Variants in TSC22D1 observed in about 807,000 individuals in gnomAD.
The protein encoded by TSC22D1 is TSC22 domain family protein 1.
A neutral mutation model predicts 74.2 loss-of-function variants in TSC22D1; 9 were observed. That is an observed-to-expected ratio of 0.12 (90% CI 0.07 to 0.21). The LOEUF (loss-of-function observed/expected upper bound fraction) is 0.21, where lower values mean the gene tolerates loss of function less well. Among genes scored for constraint, TSC22D1 ranks in the 10% least tolerant of loss-of-function variants. The pLI is 1.00. For synonymous variants in TSC22D1, 586 were observed against 492.5 expected (o/e 1.19, Z -2.51); for missense variants, 1,427 against 1,304.7 (o/e 1.09, Z -1.44).
chr13:44,552,579 T>C (rs994389613), intron 1 of TSC22D1, among the ~76,000 whole-genome samples: 3 of 152,240 alleles, frequency 2.0e-5, no homozygotes, highest in South Asian at 2.1e-4. Flanking sequence ...AATATGTCAG[T>C]GCCGCACTTC....
chr13:44,433,794 CTG>C lies in TSC22D1; in HGVS notation c.*830_*831del, dbSNP rs1874261054. The stretch of plus-strand genomic sequence containing the variant: ...ATTTCAGATTACACAAAGTGAGTAA[CTG>C]TGCCAAATTCTTAAAATTTCTTTAG... On this transcript the variant is annotated 3_prime_UTR_variant, in exon 3 of 3. Transcript: ENST00000458659. The C allele has an allele frequency of 1.8e-6, 1 of 542,732 alleles. No individual in the cohort carries two copies. Among genetic ancestry groups the C allele is most frequent in the Admixed American group, 4.1e-5 (1 of 24,390 alleles). 33.6% of individuals were successfully genotyped at this position (542,732 alleles called of 1,614,324 possible).
Position 44,573,736 on chromosome 13 carries a change from C to T in TSC22D1, c.2339G>A (p.Ser780Asn), listed in dbSNP as rs1248205852. ...CAATTGTTGAGGAAGGCTTGGAGCA[C>T]TAGTTTGAACTCCCTGATGAATAAT... The part of the protein sequence containing the change: ...TGIIHQGVQT[S>N]APSLPQQLVI... The change falls in exon 1 of 3, where the codon AGT (serine) becomes AAT (asparagine). Residue 780 changes from serine (S) to asparagine (N), a missense_variant. Physicochemically the swap from Ser to Asn is conservative, Grantham distance 46. Transcript: ENST00000458659. 1 of 1,614,234 alleles carries T rather than the reference C, an allele frequency of 6.2e-7. No homozygotes were observed. Among genetic ancestry groups the T allele is most frequent in the South Asian group, 1.1e-5 (1 of 91,084 alleles).
chr13:44,500,839 C>T (rs1879192681), intron 1 of TSC22D1, among the ~76,000 whole-genome samples: 1 of 152,130 alleles, frequency 6.6e-6, no homozygotes, highest in Admixed American at 6.5e-5. Flanking sequence ...TGCACACCAC[C>T]ATGCCTGGCT....
chr13:44,527,942 T>C (rs1163928192), intron 1 of TSC22D1, among the ~76,000 whole-genome samples: 1 of 152,046 alleles, frequency 6.6e-6, no homozygotes, highest in Non-Finnish European at 1.5e-5. Context: ...GGGAAAGTTA[T>C]CAAAGACAAA....
At chr13:44,479,605 T>C (rs1050098316) in intron 1 of TSC22D1, among the ~76,000 whole-genome samples, 4 of 152,130 alleles carry the variant, frequency 2.6e-5, no homozygotes, top group African/African-American at 7.2e-5. Context: ...TAAACAAAAA[T>C]GGCAAGCTGT....
At chr13:44,572,356 T>A (rs1883828455) in intron 1 of TSC22D1, among the ~76,000 whole-genome samples, 1 of 152,178 alleles carries the variant, frequency 6.6e-6, no homozygotes. Context: ...ATCTTTTTGG[T>A]AAGGAAAGAA....
At chr13:44,538,105 G>A (rs1411313501) in intron 1 of TSC22D1, 1 of 984,934 alleles carries the variant, frequency 1.0e-6, no homozygotes, top group African/African-American at 1.8e-5. Flanking sequence ...ACACCTACAG[G>A]CTTATTCTAA....
chr13:44,570,815 G>C (rs1883715049), intron 1 of TSC22D1, among the ~76,000 whole-genome samples: 2 of 152,292 alleles, frequency 1.3e-5, no homozygotes, highest in African/African-American at 2.4e-5. Context: ...GCTACCATGG[G>C]AAGAAAGGTT....
chr13:44,563,834 T>C (rs991322825), intron 1 of TSC22D1, among the ~76,000 whole-genome samples: 7 of 152,250 alleles, frequency 4.6e-5, no homozygotes, highest in Non-Finnish European at 8.8e-5. Context: ...TGTTCCTTCA[T>C]AGGTTGAATG....
intron 1 of TSC22D1, among the ~76,000 whole-genome samples, chr13:44,542,716 T>C (rs190061290): frequency 6.6e-6 from 1 of 152,232 alleles, no homozygotes; most frequent in East Asian, 1.9e-4. Context: ...TAAAGAGAGC[T>C]TGCTTTAAGA....
In TSC22D1 at chr13:44,447,919, C is replaced by T. The variant is rs559325730; in HGVS notation, c.2913-11824G>A. 2.0e-5 allele frequency among the ~76,000 whole-genome samples: 3 copies of T among 148,586 alleles called. No homozygotes were observed. In the Admixed American group the frequency reaches 2.0e-4, roughly 10 times the overall value. On this transcript the variant is annotated intron_variant, in intron 1 of 2. Coordinates refer to ENST00000458659, the MANE Select transcript of TSC22D1 (RefSeq NM_183422.4). ...GAGAGAGAGATGGGGCTCAACTCCT[C>T]TCAATGCCCTTCAGCAACAGGACTC...
At position 44,575,878 on chromosome 13, in the gene TSC22D1, G is replaced by T; in HGVS notation, c.197C>A (p.Pro66Gln). The T allele has an allele frequency of 6.2e-7, 1 of 1,614,080 alleles. No individual in the cohort carries two copies. Among genetic ancestry groups the T allele is most frequent in the Non-Finnish European group, 8.5e-7 (1 of 1,180,008 alleles). ...EDFPPPSLLQPPPPAASSTSG... is the reference protein window; with the variant it reads ...EDFPPPSLLQQPPPAASSTSG... ...CGTAGAAGATGCTGCAGGGGGCGGC[G>T]GCTGAAGCAGCGACGGAGGCGGAAA... Residue 66 changes from proline (P) to glutamine (Q), a missense_variant, in exon 1 of 3, where the codon CCG becomes CAG. Transcript: ENST00000458659.
At chr13:44,491,755 A>G (rs996117489) in intron 1 of TSC22D1, among the ~76,000 whole-genome samples, 2 of 152,228 alleles carry the variant, frequency 1.3e-5, no homozygotes, top group African/African-American at 2.4e-5. Flanking sequence ...TACAAGCATT[A>G]TATCAGCAAA....
At chr13:44,549,776 G>GAAAAAAAAA (rs1305063154) in intron 1 of TSC22D1, among the ~76,000 whole-genome samples, 3 of 67,990 alleles carry the variant, frequency 4.4e-5, no homozygotes, top group African/African-American at 1.1e-4. Context: ...CAAAAAAAAA[G>GAAAAAAAAA]AAAAAAAAAA....
intron 1 of TSC22D1, chr13:44,536,958 A>C (rs28623460): frequency 1.0e-5 from 10 of 956,584 alleles, no homozygotes; most frequent in African/African-American, 7.8e-5. Context: ...AAAAAAAAAA[A>C]ACAAAAAAAA....
intron 1 of TSC22D1, chr13:44,437,014 C>G (rs1242301373): frequency 1.1e-6 from 1 of 948,300 alleles, no homozygotes; most frequent in African/African-American, 1.8e-5. Context: ...TTCTCCAGAT[C>G]CCGCTCGTGG....
At chr13:44,471,271 T>C (rs1877587304) in intron 1 of TSC22D1, among the ~76,000 whole-genome samples, 1 of 152,214 alleles carries the variant, frequency 6.6e-6, no homozygotes, top group Non-Finnish European at 1.5e-5. Context: ...AAATATTAAA[T>C]ACTCATGCTG....
chr13:44,521,018 G>C (rs1397183435), intron 1 of TSC22D1, among the ~76,000 whole-genome samples: 3 of 152,156 alleles, frequency 2.0e-5, no homozygotes, highest in Non-Finnish European at 4.4e-5. Context: ...GAGACATGCA[G>C]TTTAAATGAC....
chr13:44,469,131 T>C (rs550337996), intron 1 of TSC22D1, among the ~76,000 whole-genome samples: 1 of 152,186 alleles, frequency 6.6e-6, no homozygotes, highest in South Asian at 2.1e-4. Flanking sequence ...TTCCTGCCTG[T>C]CACCCATGCA....
Sources: allele counts gnomAD v4.1 joint callset (sites outside exome capture counted in the v4.1 genomes callset), GRCh38; gene constraint gnomAD v4.1.1; transcripts MANE v1.5; gene names NCBI Gene and HGNC (gene_info 2026-07-23, HGNC 2026-07-21).